Variants in PACSIN2 observed in about 807,000 individuals in gnomAD.
PACSIN2 encodes the protein protein kinase C and casein kinase substrate in neurons 2.
In PACSIN2, 25 loss-of-function variants were observed where a neutral mutation model predicts 63.8. The observed-to-expected ratio is 0.39, with a 90% confidence interval of 0.29 to 0.55. The LOEUF is 0.55. PACSIN2 is among the 20% of genes least tolerant of loss of function. PACSIN2 has a pLI of 0.62. For missense variants in PACSIN2, 518 were observed against 646.9 expected (o/e 0.80, Z 2.16); for synonymous variants, 255 against 256.2 (o/e 1.00, Z 0.05).
At chr22:42,917,908 G>A (rs1931919996) in intron 1 of PACSIN2, among the ~76,000 whole-genome samples, 1 of 152,120 alleles carries the variant, frequency 6.6e-6, no homozygotes. Flanking sequence ...TACAGAGTGT[G>A]TGCCACTGCC....
chr22:42,934,346 C>G (rs561215767), intron 1 of PACSIN2, among the ~76,000 whole-genome samples: 1 of 152,250 alleles, frequency 6.6e-6, no homozygotes, highest in Non-Finnish European at 1.5e-5. Flanking sequence ...CTTCAAGGCA[C>G]TGTGTGTGTG....
At chr22:42,916,920 G>T (rs998751987) in intron 1 of PACSIN2, among the ~76,000 whole-genome samples, 1 of 152,172 alleles carries the variant, frequency 6.6e-6, no homozygotes, top group Admixed American at 6.5e-5. Flanking sequence ...ACTGGGGCTG[G>T]GTTTGATTTT....
intron 1 of PACSIN2, among the ~76,000 whole-genome samples, chr22:42,973,631 G>A (rs1569340793): frequency 6.6e-6 from 1 of 152,226 alleles, no homozygotes; most frequent in South Asian, 2.1e-4. Context: ...CCGCCCAGGT[G>A]TGGCAAGCCC....
intron 1 of PACSIN2, among the ~76,000 whole-genome samples, chr22:42,916,381 T>C (rs1931804723): frequency 8.9e-6 from 1 of 111,992 alleles, no homozygotes; most frequent in African/African-American, 3.5e-5. Context: ...TTTCTGATGT[T>C]CACAGAGCAA....
At chr22:42,891,526 G>C (rs1461964789) in intron 3 of PACSIN2, among the ~76,000 whole-genome samples, 1 of 152,008 alleles carries the variant, frequency 6.6e-6, no homozygotes, top group Non-Finnish European at 1.5e-5. Flanking sequence ...TCAGCCTCCC[G>C]AGTAGCTGGG....
intron 1 of PACSIN2, among the ~76,000 whole-genome samples, chr22:42,945,562 G>A (rs1451230570): frequency 7.2e-5 from 11 of 151,938 alleles, no homozygotes; most frequent in Admixed American, 7.2e-4. Flanking sequence ...GTCAGAAATG[G>A]TCCCACCATT....
Position 42,876,998 on chromosome 22 carries a change from G to A in PACSIN2, c.1041C>T (p.Val347=), listed in dbSNP as rs1159026559. ...LPSKPSSTLN[V]PSNPAQSAQS... Reference sequence around the variant, plus strand: ...GCGCAGACTGGGCGGGGTTGCTCGGGACATTAAGGGTGCTATGGAGAGAGA... The same window carrying A: ...GCGCAGACTGGGCGGGGTTGCTCGGAACATTAAGGGTGCTATGGAGAGAGA... The change falls in exon 9 of 11, where the codon GTC becomes GTT. Residue 347 remains valine (V), a synonymous_variant. Transcript: ENST00000263246. The A allele has an allele frequency of 5.6e-6, 9 of 1,614,044 alleles. No individual in the cohort carries two copies. The highest frequency in any genetic ancestry group is 2.2e-5 in the East Asian group (1 of 44,892).
intron 6 of PACSIN2, among the ~76,000 whole-genome samples, chr22:42,884,122 G>A (rs548285959): frequency 9.9e-5 from 15 of 152,262 alleles, no homozygotes; most frequent in African/African-American, 3.6e-4. Flanking sequence ...GAGTGGGCCC[G>A]GCCTTATCTG....
chr22:42,911,915 G>T (rs1195123908), intron 2 of PACSIN2, 106 bp downstream of exon 2: 4 of 759,176 alleles, frequency 5.3e-6, no homozygotes, highest in South Asian at 4.8e-5. Context: ...GGCTGGTTTG[G>T]GGGTATGTTC....
At chr22:43,005,677 T>C (rs1278088130) in intron 1 of PACSIN2, among the ~76,000 whole-genome samples, 2 of 152,208 alleles carry the variant, frequency 1.3e-5, no homozygotes, top group African/African-American at 4.8e-5. Context: ...AGGTATAGTT[T>C]GCTGGCAAAT....
chr22:42,955,763 G>C (rs1247000966), intron 1 of PACSIN2, among the ~76,000 whole-genome samples: 1 of 152,214 alleles, frequency 6.6e-6, no homozygotes, highest in African/African-American at 2.4e-5. Context: ...TGAACCTGAG[G>C]TGACCGTCCC....
At chr22:42,985,403 G>T (rs540464617) in intron 1 of PACSIN2, among the ~76,000 whole-genome samples, 1 of 152,318 alleles carries the variant, frequency 6.6e-6, no homozygotes, top group South Asian at 2.1e-4. Context: ...TTCCTGATGG[G>T]CTCCACGTTC....
At chr22:42,902,315 T>C (rs550942406) in intron 2 of PACSIN2, among the ~76,000 whole-genome samples, 8 of 152,296 alleles carry the variant, frequency 5.3e-5, no homozygotes, top group Middle Eastern at 3.4e-3. Flanking sequence ...GAGAGTGAGC[T>C]GGGGGCTCTG....
intron 1 of PACSIN2, among the ~76,000 whole-genome samples, chr22:42,931,962 T>A (rs555635687): frequency 2.3e-4 from 35 of 152,266 alleles, no homozygotes; most frequent in African/African-American, 7.9e-4. Flanking sequence ...AGAAAACCTA[T>A]CCTCACTTCC....
chr22:42,958,227 G>A (rs1225953095), intron 1 of PACSIN2, among the ~76,000 whole-genome samples: 2 of 151,976 alleles, frequency 1.3e-5, no homozygotes, highest in African/African-American at 4.8e-5. Flanking sequence ...AACGAGACGA[G>A]TGACCTTGGA....
chr22:42,889,986 G>T (rs1056416886), intron 4 of PACSIN2, among the ~76,000 whole-genome samples: 1 of 149,720 alleles, frequency 6.7e-6, no homozygotes, highest in Non-Finnish European at 1.5e-5. Context: ...TACTGCACAC[G>T]CAGAGCAGCC....
chr22:42,894,310 G>A (rs1369952741), intron 2 of PACSIN2, among the ~76,000 whole-genome samples: 1 of 151,760 alleles, frequency 6.6e-6, no homozygotes. Context: ...GCACGATCTC[G>A]GCTCACTGCA....
At chr22:42,877,388 C>T (rs1038189033) in intron 8 of PACSIN2, among the ~76,000 whole-genome samples, 1 of 152,106 alleles carries the variant, frequency 6.6e-6, no homozygotes, top group Non-Finnish European at 1.5e-5. Context: ...CAAAAAGCCC[C>T]TCAGGGTCTC....
At chr22:42,897,798 G>A (rs1463580387) in intron 2 of PACSIN2, among the ~76,000 whole-genome samples, 5 of 152,222 alleles carry the variant, frequency 3.3e-5, no homozygotes, top group Non-Finnish European at 7.3e-5. Flanking sequence ...TTCAAGGACA[G>A]GTAGGAGGCT....
Sources: gnomAD v4.1 joint callset for allele counts (sites outside exome capture counted in the v4.1 genomes callset) on GRCh38, gnomAD v4.1.1 for gene constraint, MANE v1.5 for transcripts, NCBI Gene and HGNC (gene_info 2026-07-23, HGNC 2026-07-21) for gene names.